The following KLHDC1 variants were observed in gnomAD, a reference collection of about 807,000 sequenced individuals.
The protein encoded by KLHDC1 is kelch domain containing 1.
In KLHDC1, 53 loss-of-function variants were observed where a neutral mutation model predicts 68.3. That is an observed-to-expected ratio of 0.78 (90% CI 0.62 to 0.98). The LOEUF is 0.98. Among genes scored for constraint, KLHDC1 ranks in the 50% least tolerant of loss-of-function variants. The pLI is 0.00. For synonymous variants in KLHDC1, 148 were observed against 159.0 expected (o/e 0.93, Z 0.52); for missense variants, 470 against 492.3 (o/e 0.95, Z 0.43).
intron 11 of KLHDC1, among the ~76,000 whole-genome samples, chr14:49,743,245 A>C (rs1889111449): frequency 6.6e-6 from 1 of 151,826 alleles, no homozygotes; most frequent in East Asian, 1.9e-4. Context: ...AAAAATACAA[A>C]AAAAATTAGC....
intron 1 of KLHDC1, among the ~76,000 whole-genome samples, chr14:49,705,768 G>A (rs943845500): frequency 6.6e-6 from 1 of 152,142 alleles, no homozygotes; most frequent in African/African-American, 2.4e-5. Context: ...ATAATTATTT[G>A]TTTACTTAGC....
Position 49,732,794 on chromosome 14 carries a change from A to C in KLHDC1, c.801A>C (p.Leu267=), listed in dbSNP as rs143745587. The change falls in exon 9 of 13, where the codon CTA becomes CTC. Residue 267 remains leucine, a synonymous_variant. Coordinates refer to ENST00000359332, the MANE Select transcript of KLHDC1 (RefSeq NM_172193.3). ...ADDKLFLCGG[L]SADNIPLSDG... is the part of the protein sequence containing the mutation. ...ATAAACTTTTCCTATGTGGTGGACTAAGTGCAGATAATATCCCATTAAGTA... is the reference window on the plus strand; with the variant it reads ...ATAAACTTTTCCTATGTGGTGGACTCAGTGCAGATAATATCCCATTAAGTA... The C allele has an allele frequency of 6.5e-7, 1 of 1,544,966 alleles. No individual in the cohort carries two copies. Among genetic ancestry groups the C allele is most frequent in the African/African-American group, 1.4e-5 (1 of 73,522 alleles).
At chr14:49,705,535 A>T (rs1012507857) in intron 1 of KLHDC1, among the ~76,000 whole-genome samples, 1 of 151,034 alleles carries the variant, frequency 6.6e-6, no homozygotes, top group Non-Finnish European at 1.5e-5. Flanking sequence ...CACCTGGCTA[A>T]TTTTTTTGTA....
intron 6 of KLHDC1, among the ~76,000 whole-genome samples, chr14:49,728,528 T>C (rs1341224505): frequency 6.6e-6 from 1 of 152,116 alleles, no homozygotes; most frequent in Non-Finnish European, 1.5e-5. Context: ...TCTGAGATAA[T>C]CGCAATATGC....
intron 11 of KLHDC1, among the ~76,000 whole-genome samples, chr14:49,741,780 C>T (rs950860242): frequency 1.6e-4 from 24 of 152,018 alleles, no homozygotes; most frequent in African/African-American, 5.1e-4. Flanking sequence ...CAGAGCAGGG[C>T]GGCCATATTT....
chr14:49,705,145 A>G (rs1260533028), intron 1 of KLHDC1, among the ~76,000 whole-genome samples: 1 of 152,124 alleles, frequency 6.6e-6, no homozygotes, highest in Non-Finnish European at 1.5e-5. Flanking sequence ...ATAAGAGAGA[A>G]AAGAGAATAG....
intron 4 of KLHDC1, among the ~76,000 whole-genome samples, chr14:49,723,023 GTTGCCTTGAGCAGAGA>G (rs1293882747): frequency 6.8e-6 from 1 of 146,884 alleles, no homozygotes; most frequent in African/African-American, 2.5e-5. Context: ...GGAGGCGGAG[GTTGCCTTGAGCAGAGA>G]TCACGCCACT....
Position 49,713,837 on chromosome 14 carries a change from TATATATATA to T in KLHDC1, c.404+3457_404+3465del, listed in dbSNP as rs1888290948. 3.1e-3 allele frequency among the ~76,000 whole-genome samples: 16 copies of T among 5,154 alleles called. 4 individuals are homozygous for T. Among genetic ancestry groups the T allele is most frequent in the Non-Finnish European group, 7.1e-3 (15 of 2,114 alleles). The allele number at this position is 5,154 out of a possible 152,430, so 3.4% of individuals were successfully genotyped here. A position where few individuals can be genotyped will look rare whatever the true frequency, so the allele number is the denominator to read the frequency against. On this transcript the variant is annotated intron_variant, in intron 4 of 12. Coordinates refer to ENST00000359332, the MANE Select transcript of KLHDC1 (RefSeq NM_172193.3). Reference sequence around the variant, plus strand: ...ATATATATATATATATATATATATATATATATATATATATTTTTTTTTTTTTTTTTCCTG... The same window carrying T: ...ATATATATATATATATATATATATATTATATTTTTTTTTTTTTTTTTCCTG...
chr14:49,723,113 A>AG, intron 4 of KLHDC1, among the ~76,000 whole-genome samples: 1 of 130,476 alleles, frequency 7.7e-6, no homozygotes, highest in East Asian at 2.2e-4. Flanking sequence ...AAAAAAAAAA[A>AG]AGAAGAGAAA....
Position 49,738,343 on chromosome 14 carries a change from T to G in KLHDC1, c.897-1755T>G, listed in dbSNP as rs537097731. 2.5e-3 allele frequency among the ~76,000 whole-genome samples: 351 copies of G among 140,184 alleles called. 1 individual carries two copies. Among genetic ancestry groups the G allele is most frequent in the African/African-American group, 9.0e-3 (332 of 36,992 alleles). 92.0% of individuals were successfully genotyped at this position (140,184 alleles called of 152,430 possible). A position where few individuals can be genotyped will look rare whatever the true frequency, so the allele number is the denominator to read the frequency against. ...CTCTTTTGTTTGGTTGGTTTTTTTG[T>G]TTTTTTTTTTTTTGAGTCAGAGTGT... On this transcript the variant is annotated intron_variant, in intron 10 of 12. Coordinates refer to ENST00000359332, the MANE Select transcript of KLHDC1 (RefSeq NM_172193.3).
chr14:49,730,995 A>T (rs1488893607), intron 8 of KLHDC1, among the ~76,000 whole-genome samples: 1 of 147,400 alleles, frequency 6.8e-6, no homozygotes, highest in Non-Finnish European at 1.5e-5. Flanking sequence ...TAAAAATAAA[A>T]CCAGGCAGGT....
At chr14:49,710,073 AAT>A (rs897178967) in intron 3 of KLHDC1, among the ~76,000 whole-genome samples, 188 bp from the exon 4 acceptor site, 5 of 152,158 alleles carry the variant, frequency 3.3e-5, no homozygotes, top group Admixed American at 6.5e-5. Context: ...GACTCATTTT[AAT>A]ATGTTTTATA....
chr14:49,694,635 C>T (rs995842284), intron 1 of KLHDC1, among the ~76,000 whole-genome samples: 1 of 152,022 alleles, frequency 6.6e-6, no homozygotes, highest in Non-Finnish European at 1.5e-5. Flanking sequence ...GGGTGGATTA[C>T]CTGAAGTCAG....
At chr14:49,745,258 T>C (rs368108077) in intron 12 of KLHDC1, among the ~76,000 whole-genome samples, 1 of 152,190 alleles carries the variant, frequency 6.6e-6, no homozygotes, top group African/African-American at 2.4e-5. Context: ...TAACTACCCC[T>C]TCTCTTAGCA....
At position 49,751,799 on chromosome 14, in the gene KLHDC1, A is replaced by G. The variant is rs748868848; in HGVS notation, c.*27A>G. 1 of 1,264,292 alleles carries G rather than the reference A, an allele frequency of 7.9e-7. No individual in the cohort carries two copies. Among genetic ancestry groups the G allele is most frequent in the Non-Finnish European group, 1.1e-6 (1 of 920,574 alleles). 78.3% of individuals were successfully genotyped at this position (1,264,292 alleles called of 1,614,324 possible). On this transcript the variant is annotated 3_prime_UTR_variant, in exon 13 of 13. Transcript: ENST00000359332. Reference sequence around the variant, plus strand: ...TTGTTATATACTTTACATATTTAGTATGTTTTAACTTTTTAATCAGACTAT... The same window carrying G: ...TTGTTATATACTTTACATATTTAGTGTGTTTTAACTTTTTAATCAGACTAT...
intron 1 of KLHDC1, among the ~76,000 whole-genome samples, chr14:49,698,819 A>G (rs1012895974): frequency 6.6e-6 from 1 of 151,802 alleles, no homozygotes; most frequent in African/African-American, 2.4e-5. Context: ...CCTGGCCTAA[A>G]TGTCTGAATT....
chr14:49,699,448 A>G (rs1887839385), intron 1 of KLHDC1, among the ~76,000 whole-genome samples: 1 of 151,716 alleles, frequency 6.6e-6, no homozygotes, highest in Non-Finnish European at 1.5e-5. Flanking sequence ...AGGACATGGC[A>G]TATCCGGAGA....
In KLHDC1 at chr14:49,729,515, A is replaced by G. The variant is rs150211112; in HGVS notation, c.677A>G (p.Tyr226Cys). Residue 226 changes from tyrosine (Y) to cysteine (C), a missense_variant, in exon 8 of 13, where the codon TAT becomes TGT. Physicochemically the swap from Tyr to Cys is radical, Grantham distance 194 (BLOSUM62 -2). Coordinates refer to ENST00000359332, the MANE Select transcript of KLHDC1 (RefSeq NM_172193.3). ...VLQTRMNDLH[Y>C]LNLDTWTWSG... ...CAAACTAGGATGAATGATTTGCACTATCTAAACCTAGACACCTGGACTTGG... is the reference window on the plus strand; with the variant it reads ...CAAACTAGGATGAATGATTTGCACTGTCTAAACCTAGACACCTGGACTTGG... 1.3e-3 allele frequency: 2,142 copies of G among 1,611,032 alleles called. 1 individual carries two copies. The highest frequency in any genetic ancestry group is 1.7e-3 in the Non-Finnish European group (2,047 of 1,177,472).
intron 1 of KLHDC1, among the ~76,000 whole-genome samples, chr14:49,698,765 C>G (rs1261938798): frequency 6.6e-6 from 1 of 152,128 alleles, no homozygotes; most frequent in Admixed American, 6.5e-5. Flanking sequence ...GTCAGCCCAC[C>G]TCGGCCTCCC....
Sources: allele counts gnomAD v4.1 joint callset (sites outside exome capture counted in the v4.1 genomes callset), GRCh38; gene constraint gnomAD v4.1.1; transcripts MANE v1.5; gene names NCBI Gene and HGNC (gene_info 2026-07-23, HGNC 2026-07-21).